Variants in SLC5A4 observed in about 807,000 individuals in gnomAD.
The protein encoded by SLC5A4 is probable glucose sensor protein SLC5A4.
Under a neutral mutation model 70.3 loss-of-function variants are expected in SLC5A4, and 55 were observed. The ratio of observed to expected loss-of-function variants is 0.78; its 90% CI spans 0.63 to 0.98. The LOEUF (loss-of-function observed/expected upper bound fraction) is 0.98, where lower values mean the gene tolerates loss of function less well. SLC5A4 is among the 50% of genes least tolerant of loss of function. The probability of loss-of-function intolerance (pLI) is 0.00; values close to 1 mark genes in which losing one functional copy is unlikely to be tolerated. For synonymous variants in SLC5A4, 268 were observed against 305.7 expected, an observed-to-expected ratio of 0.88 and a Z score of 1.29; for missense variants, 735 against 839.2, an observed-to-expected ratio of 0.88 and a Z score of 1.53.
the SLC5A4 span, among the ~76,000 whole-genome samples, chr22:32,288,380 T>G: frequency 2.6e-5 from 4 of 152,106 alleles, no homozygotes; most frequent in Non-Finnish European, 4.4e-5. Flanking sequence ...GTTTAAAAGT[T>G]GATGTGTTTC....
At chr22:32,272,669 TG>T in the SLC5A4 span, 1 of 556,976 alleles carries the variant, frequency 1.8e-6, no homozygotes. Flanking sequence ...AGGAGAGTTT[TG>T]GGGGCATGTG....
chr22:32,306,441 G>A, the SLC5A4 span, among the ~76,000 whole-genome samples: 3 of 149,054 alleles, frequency 2.0e-5, no homozygotes, highest in Non-Finnish European at 4.4e-5. Context: ...ACTCCAGCCT[G>A]GGCGACAGAG....
Position 32,251,792 on chromosome 22 carries a change from G to A in SLC5A4, c.290C>T (p.Ala97Val). Residue 97 changes from alanine to valine, a missense_variant, in exon 3 of 15, where the codon GCC becomes GTC. Ala to Val is a moderately conservative substitution (Grantham distance 64, BLOSUM62 0). Transcript: ENST00000266086. The part of the protein sequence containing the change: ...LAGTGAASGV[A>V]TVTFEWTSSV... ...TACAGTCCATTCAAATGTTACGGTG[G>A]CGACTCCTGAAGCTGCTCCTGTCCC... is the stretch of plus-strand genomic sequence containing the variant. 1 of 1,612,352 alleles carries A rather than the reference G, an allele frequency of 6.2e-7. No homozygotes were observed. Among genetic ancestry groups the A allele is most frequent in the East Asian group, 2.2e-5 (1 of 44,874 alleles).
chr22:32,271,042 G>A, the SLC5A4 span: 213 of 567,450 alleles, frequency 3.8e-4, 4 homozygotes, highest in East Asian at 3.7e-3. Flanking sequence ...AGGAAATGCT[G>A]TGTGGGGATT....
At chr22:32,352,838 C>T in the SLC5A4 span, among the ~76,000 whole-genome samples, 3 of 152,254 alleles carry the variant, frequency 2.0e-5, no homozygotes, top group Non-Finnish European at 2.9e-5. Context: ...GCCATCCTAC[C>T]GCTCTGGTGC....
chr22:32,227,596 T>A (rs1925477639), intron 11 of SLC5A4, among the ~76,000 whole-genome samples: 1 of 152,164 alleles, frequency 6.6e-6, no homozygotes, highest in Non-Finnish European at 1.5e-5. Flanking sequence ...ACACTACAGC[T>A]ACACATAGCA....
At chr22:32,270,513 C>T in the SLC5A4 span, 1 of 722,582 alleles carries the variant, frequency 1.4e-6, no homozygotes, top group Non-Finnish European at 2.5e-6. Flanking sequence ...ATGACCACCG[C>T]AGACAGTGAT....
the SLC5A4 span, among the ~76,000 whole-genome samples, chr22:32,305,303 C>CTTGCCTACGAGAT: frequency 4.0e-5 from 6 of 150,208 alleles, no homozygotes; most frequent in Admixed American, 1.4e-4. Context: ...TGACTGCTCC[C>CTTGCCTACGAGAT]GGGCTTGTAG....
intron 5 of SLC5A4, among the ~76,000 whole-genome samples, chr22:32,246,919 T>C (rs1314424202): frequency 6.6e-6 from 1 of 152,206 alleles, no homozygotes; most frequent in Non-Finnish European, 1.5e-5. Context: ...ATGGTGGTCT[T>C]AGATAGAGTG....
At chr22:32,319,770 T>C in the SLC5A4 span, among the ~76,000 whole-genome samples, 1 of 152,204 alleles carries the variant, frequency 6.6e-6, no homozygotes, top group African/African-American at 2.4e-5. Context: ...TTACCTCAAA[T>C]GCATTATCGC....
At chr22:32,289,752 T>C in the SLC5A4 span, among the ~76,000 whole-genome samples, 5 of 152,230 alleles carry the variant, frequency 3.3e-5, no homozygotes, top group Admixed American at 2.6e-4. Context: ...GTATGTCTTA[T>C]AGTAGTGTGA....
At chr22:32,222,596 T>A (rs1347582056) in intron 13 of SLC5A4, among the ~76,000 whole-genome samples, 4 of 152,178 alleles carry the variant, frequency 2.6e-5, no homozygotes, top group Admixed American at 1.3e-4. Flanking sequence ...CATATATATA[T>A]TTAAAAACTA....
the SLC5A4 span, among the ~76,000 whole-genome samples, chr22:32,330,953 T>TGTGTGTGTTGGGGGCTCTG: frequency 4.5e-4 from 2 of 4,426 alleles, 1 homozygote. Context: ...GAGGCTCTGG[T>TGTGTGTGTTGGGGGCTCTG]GTGTGTGTGT....
At chr22:32,242,445 C>T (rs866537889) in intron 5 of SLC5A4, among the ~76,000 whole-genome samples, 4 of 152,328 alleles carry the variant, frequency 2.6e-5, no homozygotes, top group Middle Eastern at 3.4e-3. Context: ...CGTGGTGGCT[C>T]ATGCCTGTAA....
the SLC5A4 span, among the ~76,000 whole-genome samples, chr22:32,324,181 TGTG>T: frequency 6.7e-6 from 1 of 148,884 alleles, no homozygotes; most frequent in Non-Finnish European, 1.5e-5. Context: ...GTGGTGAAAA[TGTG>T]GTGTTTGCTT....
At chr22:32,234,688 G>A (rs975461938) in intron 8 of SLC5A4, among the ~76,000 whole-genome samples, 185 bp downstream of exon 8, 2 of 152,126 alleles carry the variant, frequency 1.3e-5, no homozygotes, top group African/African-American at 4.8e-5. Flanking sequence ...GACAGAGTGA[G>A]CAAGACTCCA....
chr22:32,261,686 G>A, the SLC5A4 span, among the ~76,000 whole-genome samples: 2 of 152,204 alleles, frequency 1.3e-5, no homozygotes, highest in African/African-American at 2.4e-5. Flanking sequence ...AAAGCCAAGG[G>A]GCAACTTTGT....
At position 32,218,594 on chromosome 22, in the gene SLC5A4, G is replaced by A. The variant is rs763723335; in HGVS notation, c.1900C>T (p.Pro634Ser). 1.2e-6 allele frequency: 2 copies of A among 1,613,802 alleles called. No homozygotes were observed. Among genetic ancestry groups the A allele is most frequent in the Non-Finnish European group, 1.7e-6 (2 of 1,179,874 alleles). Residue 634 changes from proline to serine, a missense_variant, in exon 15 of 15, where the codon CCC becomes TCC. Transcript: ENST00000266086. ...ATGTTCACTATTGTCCTCCACGAGGGCCTCTCAGACGTGTCTGTGAGCTTC... is the reference window on the plus strand; with the variant it reads ...ATGTTCACTATTGTCCTCCACGAGGACCTCTCAGACGTGTCTGTGAGCTTC... ...SKKLTDTSER[P>S]SWRTIVNINA...
chr22:32,254,012 C>G lies in SLC5A4; in HGVS notation c.207+130G>C, dbSNP rs866285146. The G allele has an allele frequency of 7.8e-6, 6 of 769,794 alleles. No homozygotes were observed. The Middle Eastern group carries it at 1.4e-3, about 177-fold the overall frequency. The allele number at this position is 769,794 out of a possible 1,614,324, so 47.7% of individuals were successfully genotyped here. A position where few individuals can be genotyped will look rare whatever the true frequency, so the allele number is the denominator to read the frequency against. Reference sequence around the variant, plus strand: ...GTCAGGCTGGTCTCGAACTCCTGACCTCAGATGATCTGCCAGCCTTGGCCT... The same window carrying G: ...GTCAGGCTGGTCTCGAACTCCTGACGTCAGATGATCTGCCAGCCTTGGCCT... On this transcript the variant is annotated intron_variant, in intron 2 of 14. Coordinates refer to ENST00000266086, the MANE Select transcript of SLC5A4 (RefSeq NM_014227.3).
Sources: allele counts gnomAD v4.1 joint callset (sites outside exome capture counted in the v4.1 genomes callset), GRCh38; gene constraint gnomAD v4.1.1; transcripts MANE v1.5; gene names NCBI Gene and HGNC (gene_info 2026-07-23, HGNC 2026-07-21).